The following TCF7 variants were observed in gnomAD, a reference collection of about 807,000 sequenced individuals.
TCF7 encodes transcription factor 7.
In TCF7, 19 loss-of-function variants were observed where a neutral mutation model predicts 46.8. The observed-to-expected ratio is 0.41, with a 90% CI of 0.28 to 0.60. TCF7 has a LOEUF of 0.60. Among genes scored for constraint, TCF7 ranks in the 20% least tolerant of loss-of-function variants. The pLI, the probability that TCF7 is intolerant of heterozygous loss-of-function variation, is 0.35. For synonymous variants in TCF7, 245 were observed against 213.4 expected, an observed-to-expected ratio of 1.15 and a Z score of -1.29; for missense variants, 547 against 504.6, an observed-to-expected ratio of 1.08 and a Z score of -0.81.
chr5:134,114,683 T>A lies in TCF7; in HGVS notation c.-224T>A. On this transcript the variant is annotated 5_prime_UTR_variant, in exon 1 of 10. Coordinates refer to ENST00000342854, the MANE Select transcript of TCF7 (RefSeq NM_003202.5). ...CCAGTGCCCGCCCCGCCCCCGGCAC[T>A]CGGCCGGCGGCGCCTTTGATGTTCC... 1 of 107,418 alleles carries A rather than the reference T, an allele frequency of 9.3e-6. No individual in the cohort carries two copies. The highest frequency in any genetic ancestry group is 1.6e-5 in the Non-Finnish European group (1 of 61,944). 6.7% of individuals were successfully genotyped at this position (107,418 alleles called of 1,614,324 possible).
At chr5:134,127,503 C>G (rs186767365) in intron 3 of TCF7, among the ~76,000 whole-genome samples, 206 of 152,368 alleles carry the variant, frequency 1.4e-3, no homozygotes, top group Non-Finnish European at 1.8e-3. Context: ...CTGTTGGACT[C>G]CTGGGCCAGG....
chr5:134,138,542 T>G, intron 4 of TCF7: 1 of 270,178 alleles, frequency 3.7e-6, no homozygotes. Context: ...AAATCCCTCA[T>G]TGTCAGCTGT....
At chr5:134,108,963 T>A in the TCF7 span, among the ~76,000 whole-genome samples, 1 of 152,182 alleles carries the variant, frequency 6.6e-6, no homozygotes, top group East Asian at 1.9e-4. Context: ...CTAACTGCCA[T>A]GTTGTGTGCC....
At chr5:134,133,146 G>T (rs73790173) in intron 3 of TCF7, among the ~76,000 whole-genome samples, 1 of 152,098 alleles carries the variant, frequency 6.6e-6, no homozygotes, top group African/African-American at 2.4e-5. Context: ...CTGGGATGGT[G>T]GGGGAGACAG....
chr5:134,124,229 G>A (rs1757017360), intron 3 of TCF7, among the ~76,000 whole-genome samples: 1 of 152,194 alleles, frequency 6.6e-6, no homozygotes, highest in Non-Finnish European at 1.5e-5. Flanking sequence ...CAGCTTCTTG[G>A]TTCAGGCAGT....
At chr5:134,145,666 G>C in intron 9 of TCF7, 1 of 1,503,788 alleles carries the variant, frequency 6.6e-7, no homozygotes, top group African/African-American at 1.4e-5. Flanking sequence ...GGGTGTGTCT[G>C]TGTATCCACA....
At chr5:134,113,968 G>A (rs945719169), upstream of TCF7, among the ~76,000 whole-genome samples, 1 of 152,174 alleles carries the variant, frequency 6.6e-6, no homozygotes, top group Non-Finnish European at 1.5e-5. Flanking sequence ...ACCGAGTTGG[G>A]AGAGTCATAG....
Position 134,142,282 on chromosome 5 carries a change from C to T in TCF7, c.733C>T (p.Leu245=). The part of the protein sequence containing the change: ...AIVPPSGKQE[L]QPFDRNLKTQ... ...TGTGCCCCCCTCAGGGAAGCAGGAG[C>T]TGCAGCCCTTCGACCGCAACCTGTG... is the stretch of plus-strand genomic sequence containing the variant. The change falls in exon 6 of 10, where the codon CTG becomes TTG. Residue 245 remains leucine (L), a synonymous_variant. Coordinates refer to ENST00000342854, the MANE Select transcript of TCF7 (RefSeq NM_003202.5). 1 of 1,597,474 alleles carries T rather than the reference C, an allele frequency of 6.3e-7. No individual in the cohort carries two copies. Among genetic ancestry groups the T allele is most frequent in the Non-Finnish European group, 8.6e-7 (1 of 1,169,050 alleles).
chr5:134,146,108 C>G, intron 9 of TCF7, 116 bp from the exon 10 acceptor site: 1 of 1,606,416 alleles, frequency 6.2e-7, no homozygotes. Context: ...CACCCAAGTC[C>G]CAGGAAGAGA....
intron 3 of TCF7, among the ~76,000 whole-genome samples, chr5:134,131,599 T>C (rs1758134466): frequency 6.6e-6 from 1 of 152,078 alleles, no homozygotes; most frequent in Non-Finnish European, 1.5e-5. Flanking sequence ...GAGGGAGGCA[T>C]GCACAGGTTC....
At chr5:134,126,072 T>C (rs2149301225) in intron 3 of TCF7, among the ~76,000 whole-genome samples, 1 of 152,370 alleles carries the variant, frequency 6.6e-6, no homozygotes, top group South Asian at 2.1e-4. Context: ...AAGTTTGAAG[T>C]TTCATTCAAA....
At chr5:134,121,014 A>T (rs1423944543) in intron 3 of TCF7, among the ~76,000 whole-genome samples, 7 of 152,236 alleles carry the variant, frequency 4.6e-5, no homozygotes, top group Middle Eastern at 6.8e-3. Flanking sequence ...TGTGGGCCCC[A>T]CGTGGACTTG....
At chr5:134,129,681 CCA>C (rs1186768617) in intron 3 of TCF7, among the ~76,000 whole-genome samples, 3 of 152,280 alleles carry the variant, frequency 2.0e-5, no homozygotes, top group Non-Finnish European at 4.4e-5. Flanking sequence ...ATGGGCCACG[CCA>C]CTCGGCTAAG....
At chr5:134,137,779 A>C (rs912722762) in intron 3 of TCF7, 5 of 302,236 alleles carry the variant, frequency 1.7e-5, no homozygotes, top group African/African-American at 8.6e-5. Flanking sequence ...TGAGATGAGG[A>C]GGCCAATAAG....
upstream of TCF7, among the ~76,000 whole-genome samples, chr5:134,114,314 G>T (rs889980102): frequency 3.9e-5 from 6 of 152,226 alleles, no homozygotes; most frequent in South Asian, 1.0e-3. Flanking sequence ...AGGGCGCATT[G>T]GAGCCTGGGC....
intron 3 of TCF7, among the ~76,000 whole-genome samples, chr5:134,124,838 G>A (rs1485835471): frequency 3.3e-5 from 5 of 152,260 alleles, no homozygotes; most frequent in Admixed American, 1.3e-4. Context: ...GGGTTTACAC[G>A]GTTAGGCCTG....
At chr5:134,132,558 A>T (rs751744408) in intron 3 of TCF7, among the ~76,000 whole-genome samples, 1 of 152,166 alleles carries the variant, frequency 6.6e-6, no homozygotes, top group Non-Finnish European at 1.5e-5. Context: ...CTTCGCTGGG[A>T]AAGTGTTGTG....
At chr5:134,119,367 G>A (rs114500338) in intron 3 of TCF7, among the ~76,000 whole-genome samples, 1,843 of 152,290 alleles carry the variant, frequency 0.012, 21 homozygotes, top group Non-Finnish European at 0.02. Context: ...AATGGGTATG[G>A]AGATACTTTC....
intron 3 of TCF7, among the ~76,000 whole-genome samples, chr5:134,123,248 C>T (rs28394209): frequency 0.16 from 24,872 of 152,168 alleles, 3,475 homozygotes; most frequent in African/African-American, 0.38. Flanking sequence ...TGCCCTCTGG[C>T]CTACCCTACC....
Sources: gnomAD v4.1 joint callset for allele counts (sites outside exome capture counted in the v4.1 genomes callset) on GRCh38, gnomAD v4.1.1 for gene constraint, MANE v1.5 for transcripts, NCBI Gene and HGNC (gene_info 2026-07-23, HGNC 2026-07-21) for gene names.